FAXC: variants seen among roughly 807,000 people sequenced by gnomAD.
The protein encoded by FAXC is failed axon connections homolog.
Under a neutral mutation model 41.9 loss-of-function variants are expected in FAXC, and 10 were observed. The observed-to-expected ratio is 0.24, with a 90% CI of 0.15 to 0.41. The LOEUF (loss-of-function observed/expected upper bound fraction) is 0.41, where lower values mean the gene tolerates loss of function less well. Among genes scored for constraint, FAXC ranks in the 10% least tolerant of loss-of-function variants. The probability of loss-of-function intolerance (pLI) is 1.00; values close to 1 mark genes in which losing one functional copy is unlikely to be tolerated. For missense variants in FAXC, 399 were observed against 510.9 expected, an observed-to-expected ratio of 0.78 and a Z score of 2.11; for synonymous variants, 183 against 183.8, an observed-to-expected ratio of 1.00 and a Z score of 0.03.
chr6:99,312,903 C>T (rs1562167773), intron 4 of FAXC, among the ~76,000 whole-genome samples: 1 of 152,178 alleles, frequency 6.6e-6, no homozygotes, highest in Non-Finnish European at 1.5e-5. Context: ...TCTGCTGATA[C>T]TCCTTCATAT....
rs1199875451 is a variant in FAXC, at chr6:99,315,246, A to C, written c.823+8198T>G. On this transcript the variant is annotated intron_variant, in intron 4 of 5. Coordinates refer to ENST00000389677, the MANE Select transcript of FAXC (RefSeq NM_032511.4). ...ACACTCCATCTTAAAAAAAAAAAAA[A>C]AAAAAAAAAAAAAAAACCAGTAAAT... Among the ~76,000 whole-genome samples, 20 of 131,786 alleles carry C rather than the reference A, an allele frequency of 1.5e-4. 1 individual carries two copies. The highest frequency in any genetic ancestry group is 4.8e-5 in the Non-Finnish European group (3 of 62,704). The allele number at this position is 131,786 out of a possible 152,430, so 86.5% of individuals were successfully genotyped here. A position where few individuals can be genotyped will look rare whatever the true frequency, so the allele number is the denominator to read the frequency against.
Position 99,274,854 on chromosome 6 carries a change from A to C in FAXC, c.*6310T>G, listed in dbSNP as rs1770542891. The C allele has an allele frequency of 6.6e-6, 1 of 152,230 alleles. No individual in the cohort carries two copies. The highest frequency in any genetic ancestry group is 1.5e-5 in the Non-Finnish European group (1 of 68,042). The allele number at this position is 152,230 out of a possible 1,614,324, so 9.4% of individuals were successfully genotyped here. A position where few individuals can be genotyped will look rare whatever the true frequency, so the allele number is the denominator to read the frequency against. ...TGTAGAAGAGAAGCAAATACGAAAGAACATTTCTGATTCTGAACAATGGAA... is the reference window on the plus strand; with the variant it reads ...TGTAGAAGAGAAGCAAATACGAAAGCACATTTCTGATTCTGAACAATGGAA... On this transcript the variant is annotated 3_prime_UTR_variant, in exon 6 of 6. Coordinates refer to ENST00000389677, the MANE Select transcript of FAXC (RefSeq NM_032511.4).
At chr6:99,306,869 G>A (rs1313428079) in intron 4 of FAXC, among the ~76,000 whole-genome samples, 1 of 152,160 alleles carries the variant, frequency 6.6e-6, no homozygotes, top group African/African-American at 2.4e-5. Flanking sequence ...CGGAGTAAGT[G>A]CCTGCATGTG....
At chr6:99,348,500 T>A (rs910386293) in intron 1 of FAXC, among the ~76,000 whole-genome samples, 2 of 152,194 alleles carry the variant, frequency 1.3e-5, no homozygotes, top group African/African-American at 4.8e-5. Flanking sequence ...TAGCCTGTCC[T>A]ACTGCTCACA....
chr6:99,296,443 C>T (rs543587327), intron 4 of FAXC, among the ~76,000 whole-genome samples: 1 of 152,264 alleles, frequency 6.6e-6, no homozygotes, highest in South Asian at 2.1e-4. Context: ...GCACCTGTAA[C>T]TCCCCTGCCA....
chr6:99,286,918 T>C (rs1488232713), intron 5 of FAXC, among the ~76,000 whole-genome samples: 2 of 152,200 alleles, frequency 1.3e-5, no homozygotes, highest in Non-Finnish European at 2.9e-5. Context: ...CTCATGAGAA[T>C]ATAAATTGTA....
At chr6:99,339,885 A>G (rs1272359360) in intron 2 of FAXC, among the ~76,000 whole-genome samples, 1 of 152,130 alleles carries the variant, frequency 6.6e-6, no homozygotes, top group African/African-American at 2.4e-5. Context: ...AAAAACAAAC[A>G]TAAAAGAAAA....
At chr6:99,298,661 T>C (rs221579) in intron 4 of FAXC, among the ~76,000 whole-genome samples, 95,571 of 152,002 alleles carry the variant, frequency 0.63, 30,259 homozygotes, top group African/African-American at 0.7. Context: ...CTGGTACCTA[T>C]CACATAGGAA....
Position 99,302,531 on chromosome 6 carries a change from C to T in FAXC, c.824-10711G>A, listed in dbSNP as rs568907446. ...ATTAGCTGGGCGTGGTGGCGCATGC[C>T]TGTGGTCCCAGCTACTCAGGAGGCT... On this transcript the variant is annotated intron_variant, in intron 4 of 5. Transcript: ENST00000389677. Among the ~76,000 whole-genome samples the T allele has an allele frequency of 1.2e-4, 18 of 152,220 alleles. No individual in the cohort carries two copies. In the East Asian group the frequency reaches 1.9e-3, roughly 16 times the overall value.
intron 2 of FAXC, among the ~76,000 whole-genome samples, chr6:99,340,762 G>A (rs780241141): frequency 5.4e-5 from 8 of 148,792 alleles, no homozygotes; most frequent in Admixed American, 1.4e-4. Context: ...TCTGCCTCCC[G>A]GGTCCAAGTA....
chr6:99,342,556 C>G (rs1249258237), intron 2 of FAXC, among the ~76,000 whole-genome samples: 1 of 152,178 alleles, frequency 6.6e-6, no homozygotes, highest in African/African-American at 2.4e-5. Context: ...GTTGGCCAGG[C>G]TGGCCTCAGA....
At chr6:99,306,355 C>T (rs1321516537) in intron 4 of FAXC, among the ~76,000 whole-genome samples, 1 of 152,194 alleles carries the variant, frequency 6.6e-6, no homozygotes, top group Non-Finnish European at 1.5e-5. Context: ...AGAATGACTT[C>T]TGGCATCCAG....
chr6:99,281,538 A>G (rs1424194793), intron 5 of FAXC, 85 bp from the exon 6 acceptor site: 4 of 1,092,152 alleles, frequency 3.7e-6, no homozygotes, highest in African/African-American at 3.1e-5. Flanking sequence ...CAAAACTCCA[A>G]TGTTGAAATC....
intron 2 of FAXC, among the ~76,000 whole-genome samples, chr6:99,335,017 T>C (rs1331597312): frequency 6.6e-6 from 1 of 152,208 alleles, no homozygotes; most frequent in Non-Finnish European, 1.5e-5. Flanking sequence ...CCTATATCCA[T>C]GCTTTTTAAA....
Position 99,333,382 on chromosome 6 carries a change from C to T in FAXC, c.568G>A (p.Val190Met). 6.2e-7 allele frequency: 1 copy of T among 1,613,688 alleles called. No homozygotes were observed. ...GPHERAISRA[V>M]TKMVEEHFYW... ...AAGTGCTCCTCCACCATCTTGGTCACCGCTCTGGAGATGGCTCTTTCATGA... is the reference window on the plus strand; with the variant it reads ...AAGTGCTCCTCCACCATCTTGGTCATCGCTCTGGAGATGGCTCTTTCATGA... The change falls in exon 3 of 6, where the codon GTG becomes ATG. Residue 190 changes from valine to methionine, a missense_variant. Around this residue, in one of 3 missense-constraint regions of FAXC, gnomAD observed 239 missense variants for 352.7 expected, o/e 0.68. Coordinates refer to ENST00000389677, the MANE Select transcript of FAXC (RefSeq NM_032511.4).
At chr6:99,323,982 C>G (rs1260286288) in intron 3 of FAXC, among the ~76,000 whole-genome samples, 1 of 152,094 alleles carries the variant, frequency 6.6e-6, no homozygotes, top group Admixed American at 6.6e-5. Context: ...CCACAGAAAA[C>G]AAGTAGAAAC....
intron 2 of FAXC, among the ~76,000 whole-genome samples, chr6:99,334,188 T>C (rs1478348307): frequency 1.3e-5 from 2 of 152,170 alleles, no homozygotes; most frequent in African/African-American, 4.8e-5. Context: ...CAAGTTGTCA[T>C]TGGTAGAGAG....
chr6:99,295,598 G>T (rs1316682112), intron 4 of FAXC, among the ~76,000 whole-genome samples: 1 of 152,188 alleles, frequency 6.6e-6, no homozygotes, highest in Non-Finnish European at 1.5e-5. Flanking sequence ...AGCTCATCCT[G>T]CAGATCTTGG....
chr6:99,331,945 G>A (rs1773041661), intron 3 of FAXC, among the ~76,000 whole-genome samples: 1 of 152,182 alleles, frequency 6.6e-6, no homozygotes, highest in Non-Finnish European at 1.5e-5. Context: ...CTTGGGAGGG[G>A]AGCCCCAACA....
Sources: allele counts gnomAD v4.1 joint callset (sites outside exome capture counted in the v4.1 genomes callset), GRCh38; gene constraint gnomAD v4.1.1; regional missense constraint gnomAD v4.1.1; transcripts MANE v1.5; gene names NCBI Gene and HGNC (gene_info 2026-07-23, HGNC 2026-07-21).